The following EIF4E3 variants were observed in gnomAD, a reference collection of about 807,000 sequenced individuals.
EIF4E3 encodes eukaryotic translation initiation factor 4E type 3.
EIF4E3 carries 26 observed loss-of-function variants against 31.7 expected under a neutral mutation model. That is an observed-to-expected ratio of 0.82 (90% CI 0.60 to 1.14). EIF4E3 has a LOEUF of 1.14. EIF4E3 is among the 50% of genes most tolerant of loss of function. The pLI, the probability that EIF4E3 is intolerant of heterozygous loss-of-function variation, is 0.00. For missense variants in EIF4E3, 304 were observed against 270.9 expected (o/e 1.12, Z -0.86); for synonymous variants, 128 against 107.7 (o/e 1.19, Z -1.17).
intron 6 of EIF4E3, among the ~76,000 whole-genome samples, chr3:71,688,126 A>G (rs753359497): frequency 7.2e-5 from 11 of 152,162 alleles, no homozygotes; most frequent in Admixed American, 4.6e-4. Context: ...TCTGTATTAC[A>G]TACTTTGCAA....
At chr3:71,704,703 G>A (rs945679298) in intron 2 of EIF4E3, among the ~76,000 whole-genome samples, 1 of 152,184 alleles carries the variant, frequency 6.6e-6, no homozygotes, top group Non-Finnish European at 1.5e-5. Context: ...AGGGGTCAGG[G>A]GTATTTCTGC....
At chr3:71,724,967 T>A (rs1559607892) in intron 1 of EIF4E3, among the ~76,000 whole-genome samples, 1 of 151,920 alleles carries the variant, frequency 6.6e-6, no homozygotes, top group East Asian at 1.9e-4. Flanking sequence ...TGCGCTGTCC[T>A]CCCCCGGCCC....
chr3:71,670,531 T>G (rs1305145035), downstream of EIF4E3, among the ~76,000 whole-genome samples: 1 of 152,064 alleles, frequency 6.6e-6, no homozygotes, highest in Non-Finnish European at 1.5e-5. Context: ...GACTTAGGAA[T>G]AAAAAAAAGT....
chr3:71,695,573 G>C (rs1478766702), intron 4 of EIF4E3, among the ~76,000 whole-genome samples: 1 of 152,118 alleles, frequency 6.6e-6, no homozygotes, highest in African/African-American at 2.4e-5. Flanking sequence ...TTTTCATTAT[G>C]TATGCCAAAT....
At chr3:71,701,542 T>C (rs1256326221) in intron 2 of EIF4E3, among the ~76,000 whole-genome samples, 1 of 152,202 alleles carries the variant, frequency 6.6e-6, no homozygotes, top group South Asian at 2.1e-4. Context: ...AGAAATATTG[T>C]TCTGTGTGGT....
chr3:71,668,462 C>T, the EIF4E3 span, among the ~76,000 whole-genome samples: 1 of 151,980 alleles, frequency 6.6e-6, no homozygotes, highest in Non-Finnish European at 1.5e-5. Flanking sequence ...AACAGGCAAC[C>T]TACAGAATGG....
At position 71,718,274 on chromosome 3, in the gene EIF4E3, G is replaced by A. The variant is rs114370193; in HGVS notation, c.176+6918C>T. Among the ~76,000 whole-genome samples, 1,328 of 152,258 alleles carry A rather than the reference G, an allele frequency of 8.7e-3. 15 individuals carry two copies. The highest frequency in any genetic ancestry group is 0.031 in the African/African-American group (1,267 of 41,534). On this transcript the variant is annotated intron_variant, in intron 1 of 6. Coordinates refer to ENST00000425534, the MANE Select transcript of EIF4E3 (RefSeq NM_001134651.2). ...ACTGTTAGATAGACCTGTGGCTTGC[G>A]GCTACACCAGCTTCCTGTCTGATCA... is the stretch of plus-strand genomic sequence containing the variant.
At chr3:71,744,752 T>A (rs771810270) in intron 1 of EIF4E3, among the ~76,000 whole-genome samples, 2 of 152,096 alleles carry the variant, frequency 1.3e-5, no homozygotes, top group Admixed American at 6.6e-5. Flanking sequence ...CTCAAAAAAA[T>A]ATATATATTT....
At chr3:71,720,517 C>G (rs1246517697) in intron 1 of EIF4E3, among the ~76,000 whole-genome samples, 1 of 152,104 alleles carries the variant, frequency 6.6e-6, no homozygotes, top group Non-Finnish European at 1.5e-5. Flanking sequence ...TTTCTAAAAA[C>G]AAACCACCAC....
chr3:71,746,984 G>C (rs145480589), intron 1 of EIF4E3, among the ~76,000 whole-genome samples: 3 of 152,336 alleles, frequency 2.0e-5, no homozygotes, highest in Admixed American at 1.3e-4. Flanking sequence ...TGAGTGAATA[G>C]TATTCCACTG....
chr3:71,670,844 A>G (rs2048843998), downstream of EIF4E3, among the ~76,000 whole-genome samples: 1 of 152,180 alleles, frequency 6.6e-6, no homozygotes, highest in South Asian at 2.1e-4. Context: ...AGAATTCACT[A>G]TTCCTGTGAC....
At chr3:71,672,875 T>G (rs1251640939), downstream of EIF4E3, among the ~76,000 whole-genome samples, 3 of 152,114 alleles carry the variant, frequency 2.0e-5, no homozygotes, top group Non-Finnish European at 2.9e-5. Flanking sequence ...ATTTAAAAAA[T>G]AGAGTTATCA....
At chr3:71,687,269 T>TG (rs1255955734) in intron 6 of EIF4E3, among the ~76,000 whole-genome samples, 1 of 152,210 alleles carries the variant, frequency 6.6e-6, no homozygotes, top group Non-Finnish European at 1.5e-5. Context: ...CCCAAAGTGC[T>TG]GGGATTACAG....
Position 71,679,686 on chromosome 3 carries a change from A to AT in EIF4E3, c.*4995dup, listed in dbSNP as rs1279159944. On this transcript the variant is annotated 3_prime_UTR_variant, in exon 7 of 7. Transcript: ENST00000425534. ...ACATCGTTTAGGGAATACTTATTTG[A>AT]TTTTTTTGACATTTCTATGTATTAA... is the stretch of plus-strand genomic sequence containing the variant. The AT allele has an allele frequency of 3.9e-5, 6 of 151,994 alleles. No homozygotes were observed. Among genetic ancestry groups the AT allele is most frequent in the East Asian group, 1.9e-4 (1 of 5,188 alleles). The allele number at this position is 151,994 out of a possible 1,614,324, so 9.4% of individuals were successfully genotyped here. A position where few individuals can be genotyped will look rare whatever the true frequency, so the allele number is the denominator to read the frequency against.
chr3:71,666,864 G>A, the EIF4E3 span, among the ~76,000 whole-genome samples: 15 of 152,164 alleles, frequency 9.9e-5, no homozygotes, highest in South Asian at 2.1e-4. Context: ...GCTTCAACTC[G>A]GGAGGTGGAG....
At chr3:71,741,822 T>C (rs1022957431) in intron 1 of EIF4E3, among the ~76,000 whole-genome samples, 1 of 152,242 alleles carries the variant, frequency 6.6e-6, no homozygotes, top group African/African-American at 2.4e-5. Flanking sequence ...GTATGTTCTC[T>C]GATACAGTGG....
chr3:71,739,265 T>C (rs909983395), intron 1 of EIF4E3, among the ~76,000 whole-genome samples: 2 of 150,954 alleles, frequency 1.3e-5, no homozygotes, highest in African/African-American at 2.4e-5. Context: ...CAGAAATTAA[T>C]AAAATAAAAA....
upstream of EIF4E3, among the ~76,000 whole-genome samples, chr3:71,727,139 A>G (rs1295432295): frequency 6.6e-6 from 1 of 152,228 alleles, no homozygotes; most frequent in Admixed American, 6.5e-5. Context: ...CTACCTCTCT[A>G]CACAGAACAC....
chr3:71,712,186 T>C (rs2049389674), intron 1 of EIF4E3, among the ~76,000 whole-genome samples: 1 of 152,182 alleles, frequency 6.6e-6, no homozygotes, highest in African/African-American at 2.4e-5. Flanking sequence ...TTAAACACCA[T>C]GACTGCATTT....
Sources: allele counts gnomAD v4.1 joint callset (sites outside exome capture counted in the v4.1 genomes callset), GRCh38; gene constraint gnomAD v4.1.1; transcripts MANE v1.5; gene names NCBI Gene and HGNC (gene_info 2026-07-23, HGNC 2026-07-21).